The following TBC1D23 variants were observed in gnomAD, a reference collection of about 807,000 sequenced individuals.
TBC1D23 encodes HCV non-structural protein 4A-transactivated protein 1.
TBC1D23 carries 55 observed loss-of-function variants against 91.4 expected under a neutral mutation model. That is an observed-to-expected ratio of 0.60 (90% CI 0.48 to 0.75). TBC1D23 has a LOEUF of 0.75. Ranked by LOEUF, TBC1D23 falls within the 30% of genes least tolerant of loss-of-function variation. TBC1D23 has a pLI of 0.00. For synonymous variants in TBC1D23, 289 were observed against 281.0 expected (o/e 1.03, Z -0.28); for missense variants, 725 against 836.1 (o/e 0.87, Z 1.64).
intron 1 of TBC1D23, among the ~76,000 whole-genome samples, chr3:100,277,855 C>A (rs2067663260): frequency 6.6e-6 from 1 of 152,208 alleles, no homozygotes; most frequent in Non-Finnish European, 1.5e-5. Flanking sequence ...CCTGAACTCT[C>A]AACAGTAGAC....
intron 18 of TBC1D23, 36 bp from the exon 19 acceptor site, chr3:100,323,551 A>ACATATG: frequency 1.0e-6 from 1 of 969,300 alleles, no homozygotes; most frequent in Non-Finnish European, 1.4e-6. Context: ...ATATGTATAT[A>ACATATG]TATATGTATA....
At chr3:100,274,363 C>T (rs1476591495) in intron 1 of TBC1D23, among the ~76,000 whole-genome samples, 1 of 152,048 alleles carries the variant, frequency 6.6e-6, no homozygotes, top group Non-Finnish European at 1.5e-5. Flanking sequence ...GACACTAAAG[C>T]TCAAATTTAT....
At chr3:100,299,721 G>A (rs1480760924) in intron 10 of TBC1D23, among the ~76,000 whole-genome samples, 1 of 152,152 alleles carries the variant, frequency 6.6e-6, no homozygotes, top group Non-Finnish European at 1.5e-5. Context: ...ATGTTGGCCA[G>A]GCTGGTCTCG....
intron 3 of TBC1D23, among the ~76,000 whole-genome samples, chr3:100,282,786 A>G (rs1576165118): frequency 6.6e-6 from 1 of 152,344 alleles, no homozygotes; most frequent in East Asian, 1.9e-4. Flanking sequence ...AATTATAGCA[A>G]CAACTGCCCA....
At chr3:100,295,526 T>G (rs2067831550) in intron 7 of TBC1D23, among the ~76,000 whole-genome samples, 178 bp downstream of exon 7, 1 of 152,200 alleles carries the variant, frequency 6.6e-6, no homozygotes. Context: ...TCCTTTATTT[T>G]GCCATCTTCA....
At position 100,266,398 on chromosome 3, in the gene TBC1D23, A is replaced by T. The variant is rs141609582; in HGVS notation, c.53+5327A>T. ...ATTCTCCTGCCTCAGTCTCTCAAGG[A>T]GCTAAGATTACAGGCATGTGCCACC... On this transcript the variant is annotated intron_variant, in intron 1 of 18. Transcript: ENST00000394144. 4.7e-3 allele frequency among the ~76,000 whole-genome samples: 712 copies of T among 151,950 alleles called. 2 individuals are homozygous for T. Among genetic ancestry groups the T allele is most frequent in the Non-Finnish European group, 6.4e-3 (432 of 67,980 alleles).
intron 4 of TBC1D23, among the ~76,000 whole-genome samples, chr3:100,286,030 A>T (rs2067739258): frequency 6.6e-6 from 1 of 152,054 alleles, no homozygotes; most frequent in South Asian, 2.1e-4. Context: ...AGATATTTTT[A>T]AATCTCTCCA....
chr3:100,283,462 A>T, intron 3 of TBC1D23, 145 bp from the exon 4 acceptor site: 1 of 603,056 alleles, frequency 1.7e-6, no homozygotes. Flanking sequence ...AAATAAGTAT[A>T]AGGGAAAATA....
At chr3:100,293,009 C>T (rs4263320) in intron 5 of TBC1D23, among the ~76,000 whole-genome samples, 35,774 of 152,108 alleles carry the variant, frequency 0.24, 4,658 homozygotes, top group East Asian at 0.5. Context: ...GGTCTCTCTG[C>T]CTAGGAAATG....
chr3:100,268,076 G>A (rs982091621), intron 1 of TBC1D23, among the ~76,000 whole-genome samples: 2 of 152,106 alleles, frequency 1.3e-5, no homozygotes, highest in African/African-American at 2.4e-5. Flanking sequence ...GGAGGTTGAG[G>A]CAGAAGGATT....
intron 17 of TBC1D23, among the ~76,000 whole-genome samples, chr3:100,320,070 T>C (rs1346006495): frequency 6.6e-6 from 1 of 152,146 alleles, no homozygotes; most frequent in African/African-American, 2.4e-5. Flanking sequence ...CATTGCATTG[T>C]CTGTTATGTG....
intron 4 of TBC1D23, among the ~76,000 whole-genome samples, chr3:100,288,074 CCTA>C (rs1460662371): frequency 2.0e-5 from 3 of 151,532 alleles, no homozygotes; most frequent in Non-Finnish European, 4.4e-5. Flanking sequence ...AGACCCTGAT[CCTA>C]CAAAAAAAAT....
In TBC1D23 at chr3:100,290,768, T is replaced by G. The variant is rs996839135; in HGVS notation, c.600+67T>G. On this transcript the variant is annotated intron_variant, in intron 5 of 18. Transcript: ENST00000394144. ...TATGTAAAGCTATAGTTAGGTGGGT[T>G]TTTTTTTTCAAGGAAGAGAAAGAAA... 3.0e-6 allele frequency: 4 copies of G among 1,354,388 alleles called. No individual in the cohort carries two copies. In the African/African-American group the frequency reaches 6.0e-5, roughly 20 times the overall value. The allele number at this position is 1,354,388 out of a possible 1,614,324, so 83.9% of individuals were successfully genotyped here.
chr3:100,316,867 G>A (rs894958282), intron 16 of TBC1D23, among the ~76,000 whole-genome samples: 2 of 151,970 alleles, frequency 1.3e-5, no homozygotes, highest in South Asian at 4.1e-4. Flanking sequence ...TGAGGCGGGC[G>A]GATCACTTGA....
rs1316601197 is a variant in TBC1D23 at position 100,283,648 on chromosome 3, T to C, written c.313T>C (p.Leu105=). The part of the protein sequence containing the change: ...VPEEKAAELL[L]DIESVITFYC... ...AGAGGAGAAGGCAGCAGAATTACTT[T>C]TGGATATTGAATCTGTAATTACCTT... The change falls in exon 4 of 19, where the codon TTG becomes CTG. Residue 105 remains leucine, a synonymous_variant. Transcript: ENST00000394144. 3 of 1,613,968 alleles carry C rather than the reference T, an allele frequency of 1.9e-6. No homozygotes were observed. Among genetic ancestry groups the C allele is most frequent in the Admixed American group, 3.3e-5 (2 of 60,024 alleles).
intron 16 of TBC1D23, among the ~76,000 whole-genome samples, chr3:100,317,503 A>G (rs1705770771): frequency 6.6e-6 from 1 of 152,206 alleles, no homozygotes; most frequent in South Asian, 2.1e-4. Context: ...GTATATTCAG[A>G]GGGTAAATTC....
intron 2 of TBC1D23, among the ~76,000 whole-genome samples, chr3:100,280,159 G>A (rs554285671): frequency 2.0e-5 from 3 of 152,138 alleles, no homozygotes; most frequent in East Asian, 3.9e-4. Flanking sequence ...GAACCCAGGA[G>A]GCGAGGCTAC....
intron 15 of TBC1D23, among the ~76,000 whole-genome samples, chr3:100,314,814 G>GTAACTTGA: frequency 6.6e-6 from 1 of 152,086 alleles, no homozygotes; most frequent in East Asian, 1.9e-4. Flanking sequence ...CTAAAGGCAT[G>GTAACTTGA]TAACTTGATT....
chr3:100,263,306 A>G (rs9882337), intron 1 of TBC1D23, among the ~76,000 whole-genome samples: 48,817 of 152,124 alleles, frequency 0.32, 8,923 homozygotes, highest in Non-Finnish European at 0.41. Context: ...GGCCATTTAC[A>G]CTTCTTTTCT....
Sources: allele counts gnomAD v4.1 joint callset (sites outside exome capture counted in the v4.1 genomes callset), GRCh38; gene constraint gnomAD v4.1.1; transcripts MANE v1.5; gene names NCBI Gene and HGNC (gene_info 2026-07-23, HGNC 2026-07-21).